Variants in CD99L2 observed in about 807,000 individuals in gnomAD.
CD99L2 encodes the protein CD99 antigen-like protein 2.
Under a neutral mutation model 27.3 loss-of-function variants are expected in CD99L2, and 24 were observed. That is an observed-to-expected ratio of 0.88 (90% CI 0.64 to 1.24). The LOEUF (loss-of-function observed/expected upper bound fraction) is 1.24. Among genes scored for constraint, CD99L2 ranks in the 50% most tolerant of loss-of-function variants. The pLI, the probability that CD99L2 is intolerant of heterozygous loss-of-function variation, is 0.00. For missense variants in CD99L2, 255 were observed against 221.6 expected (o/e 1.15, Z -0.96); for synonymous variants, 97 against 87.9 (o/e 1.10, Z -0.58).
chrX:150,812,987 T>G (rs2046094838), intron 4 of CD99L2, among the ~76,000 whole-genome samples: 1 of 111,493 alleles, frequency 9.0e-6, no homozygotes, highest in African/African-American at 3.3e-5. Context: ...CTTTTTTTTT[T>G]GCCTCCCCCC....
At chrX:150,859,779 G>A (rs1230911586) in intron 1 of CD99L2, among the ~76,000 whole-genome samples, 1 of 110,084 alleles carries the variant, frequency 9.1e-6, no homozygotes, top group East Asian at 2.9e-4. Context: ...GATTACAGGT[G>A]TAAGCCACCG....
Position 150,816,078 on chromosome X carries a change from T to C in CD99L2, c.131A>G (p.Gln44Arg), listed in dbSNP as rs1457689969. Reference sequence around the variant, plus strand: ...GGTGGTGGTGGTGTGGTCCCATGGCTCTAAAAGGGAGAGGGAGGACAGCAA... The same window carrying C: ...GGTGGTGGTGGTGTGGTCCCATGGCCCTAAAAGGGAGAGGGAGGACAGCAA... ...DAVKETSSVK[Q>R]PWDHTTTTTT... Residue 44 changes from glutamine to arginine, a missense_variant and splice_region_variant, in exon 3 of 11, where the codon CAG becomes CGG. Coordinates refer to ENST00000370377, the MANE Select transcript of CD99L2 (RefSeq NM_031462.4). 8.3e-7 allele frequency: 1 copy of C among 1,210,465 alleles called. No individual in the cohort carries two copies. Among genetic ancestry groups the C allele is most frequent in the Non-Finnish European group, 1.1e-6 (1 of 894,707 alleles).
intron 1 of CD99L2, among the ~76,000 whole-genome samples, chrX:150,852,602 A>T (rs1463284084): frequency 1.8e-5 from 2 of 110,799 alleles, no homozygotes; most frequent in African/African-American, 6.6e-5. Flanking sequence ...CTCATTAAAC[A>T]GTCCATCCTC....
rs1557418837 is a variant in CD99L2 at position 150,769,033 on chromosome X, C to G, written c.*1G>C. 4.4e-6 allele frequency: 5 copies of G among 1,147,385 alleles called. No individual in the cohort carries two copies. Among genetic ancestry groups the G allele is most frequent in the Middle Eastern group, 2.5e-4 (1 of 4,073 alleles). 94.6% of individuals were successfully genotyped at this position (1,147,385 alleles called of 1,213,427 possible). ...TGCATGCCTGCAGCTGGACAGGGCC[C>G]TCAGATCCGGGCTGGTTCGGGCGGC... On this transcript the variant is annotated 3_prime_UTR_variant, in exon 11 of 11. Coordinates refer to ENST00000370377, the MANE Select transcript of CD99L2 (RefSeq NM_031462.4).
At chrX:150,792,899 T>C (rs1557419754) in intron 7 of CD99L2, among the ~76,000 whole-genome samples, 2 of 112,054 alleles carry the variant, frequency 1.8e-5, no homozygotes, top group African/African-American at 6.5e-5. Context: ...TCTTTGGTAG[T>C]TTGGGGAATT....
chrX:150,841,742 TG>T (rs1335220736), intron 1 of CD99L2, among the ~76,000 whole-genome samples: 1 of 111,647 alleles, frequency 9.0e-6, no homozygotes, highest in African/African-American at 3.3e-5. Flanking sequence ...TTGTTGACCT[TG>T]GATTCAACAG....
chrX:150,886,318 T>C (rs905086709), intron 1 of CD99L2, among the ~76,000 whole-genome samples: 1 of 112,373 alleles, frequency 8.9e-6, no homozygotes, highest in South Asian at 3.7e-4. Context: ...TACCATAAGA[T>C]TGTAACTGGG....
intron 1 of CD99L2, among the ~76,000 whole-genome samples, chrX:150,852,754 C>T (rs1254047616): frequency 1.8e-5 from 2 of 111,200 alleles, no homozygotes; most frequent in Non-Finnish European, 3.8e-5. Flanking sequence ...AGCATGTCTT[C>T]AAGCTTCATC....
rs887150368 is a variant in CD99L2 at position 150,833,792 on chromosome X, G to C, written c.68-2499C>G. ...AAAAATTAACTCAAAATGAATAAAA[G>C]ACTTAAATGCAAGACCTGAAACTGC... On this transcript the variant is annotated intron_variant, in intron 1 of 10. Coordinates refer to ENST00000370377, the MANE Select transcript of CD99L2 (RefSeq NM_031462.4). Among the ~76,000 whole-genome samples the C allele has an allele frequency of 2.7e-5, 3 of 111,494 alleles. No individual in the cohort carries two copies. In the East Asian group the frequency reaches 8.5e-4, roughly 31 times the overall value.
chrX:150,852,825 G>A (rs2046813617), intron 1 of CD99L2, among the ~76,000 whole-genome samples: 1 of 111,759 alleles, frequency 8.9e-6, no homozygotes, highest in Admixed American at 9.5e-5. Flanking sequence ...TCCACTGAAT[G>A]AGTAGACTAT....
intron 10 of CD99L2, among the ~76,000 whole-genome samples, chrX:150,769,671 CCCTG>C (rs1194755410): frequency 9.7e-5 from 10 of 103,300 alleles, no homozygotes; most frequent in Middle Eastern, 9.3e-3. Flanking sequence ...GTCCTAGTCT[CCCTG>C]CCTGCGCCAC....
intron 4 of CD99L2, among the ~76,000 whole-genome samples, chrX:150,799,062 C>T (rs1557420014): frequency 8.9e-6 from 1 of 112,479 alleles, no homozygotes; most frequent in African/African-American, 3.2e-5. Context: ...AAATTAAAAA[C>T]TTTTGTGCAT....
In CD99L2 at chrX:150,816,008, T is replaced by C. The variant is rs1557420473; in HGVS notation, c.201A>G (p.Pro67=). 1 of 1,211,078 alleles carries C rather than the reference T, an allele frequency of 8.3e-7. No individual in the cohort carries two copies. The highest frequency in any genetic ancestry group is 3.0e-5 in the East Asian group (1 of 33,816). ...PGTTRAPAKP[P]GSGLDLADAL... is the part of the protein sequence containing the mutation. ...CCCTCCTTAAGGCAGCCACATTACC[T>C]GGAGGTTTTGCCGGAGCTCTGGTGG... Residue 67 remains proline, a splice_region_variant and synonymous_variant, in exon 3 of 11, where the codon CCA becomes CCG. Coordinates refer to ENST00000370377, the MANE Select transcript of CD99L2 (RefSeq NM_031462.4).
intron 10 of CD99L2, among the ~76,000 whole-genome samples, chrX:150,769,669 CTCCCTGCCTGCGCCACCAGGCCTCGG>C: frequency 9.3e-6 from 1 of 107,245 alleles, no homozygotes; most frequent in East Asian, 3.0e-4. Context: ...CTGTCCTAGT[CTCCCTGCCTGCGCCACCAGGCCTCGG>C]CTGCTCCCCG....
At chrX:150,801,055 A>C (rs949494509) in intron 4 of CD99L2, among the ~76,000 whole-genome samples, 5 of 110,207 alleles carry the variant, frequency 4.5e-5, no homozygotes, top group East Asian at 5.7e-4. Context: ...AAAAAACCCC[A>C]AAAAAACAAA....
chrX:150,783,485 A>G (rs1557419478), intron 7 of CD99L2, among the ~76,000 whole-genome samples: 4 of 111,449 alleles, frequency 3.6e-5, no homozygotes, highest in Non-Finnish European at 7.5e-5. Flanking sequence ...TGCAACCCAG[A>G]CACATGGGTA....
At chrX:150,839,912 C>G (rs190439832) in intron 1 of CD99L2, among the ~76,000 whole-genome samples, 1 of 110,095 alleles carries the variant, frequency 9.1e-6, no homozygotes, top group Non-Finnish European at 1.9e-5. Context: ...GTGGTGCATG[C>G]CTGTAGTCCC....
chrX:150,886,205 G>A (rs1255238648), intron 1 of CD99L2, among the ~76,000 whole-genome samples: 5 of 112,281 alleles, frequency 4.5e-5, no homozygotes, highest in Non-Finnish European at 7.5e-5. Flanking sequence ...TTAGTGACTC[G>A]TGAACAATAC....
chrX:150,896,977 C>A (rs1275671433), intron 1 of CD99L2, among the ~76,000 whole-genome samples: 1 of 112,433 alleles, frequency 8.9e-6, no homozygotes, highest in Non-Finnish European at 1.9e-5. Flanking sequence ...CCAATCATTT[C>A]TATTCCCCAC....
Sources: gnomAD v4.1 joint callset for allele counts (sites outside exome capture counted in the v4.1 genomes callset) on GRCh38, gnomAD v4.1.1 for gene constraint, MANE v1.5 for transcripts, NCBI Gene and HGNC (gene_info 2026-07-23, HGNC 2026-07-21) for gene names.